Variants in SMG6 observed in about 807,000 individuals in gnomAD.
SMG6 encodes the protein SMG6 nonsense mediated mRNA decay factor, also known as telomerase-binding protein EST1A.
Under a neutral mutation model 142.2 loss-of-function variants are expected in SMG6, and 66 were observed. The observed-to-expected ratio is 0.46, with a 90% CI of 0.38 to 0.57. The LOEUF (loss-of-function observed/expected upper bound fraction) is 0.57. Ranked by LOEUF, SMG6 falls within the 20% of genes least tolerant of loss-of-function variation. The pLI, the probability that SMG6 is intolerant of heterozygous loss-of-function variation, is 0.00. For synonymous variants in SMG6, 779 were observed against 702.4 expected (o/e 1.11, Z -1.72); for missense variants, 1,793 against 1,832.0 (o/e 0.98, Z 0.39).
At chr17:2,220,296 A>G (rs2073136432) in intron 10 of SMG6, among the ~76,000 whole-genome samples, 1 of 152,198 alleles carries the variant, frequency 6.6e-6, no homozygotes, top group African/African-American at 2.4e-5. Flanking sequence ...ACCTGAGAAG[A>G]AAATGTTCAA....
intron 8 of SMG6, among the ~76,000 whole-genome samples, chr17:2,273,563 G>A (rs2074585274): frequency 1.3e-5 from 2 of 152,178 alleles, no homozygotes; most frequent in African/African-American, 4.8e-5. Flanking sequence ...AACCGGGGAG[G>A]CGGAAGTTGC....
chr17:2,110,481 G>A (rs189939004), intron 13 of SMG6, among the ~76,000 whole-genome samples: 78 of 152,102 alleles, frequency 5.1e-4, no homozygotes, highest in Non-Finnish European at 7.9e-4. Context: ...ACACGCACAC[G>A]CACACACACG....
intron 10 of SMG6, chr17:2,214,308 G>A (rs2072948686): frequency 6.6e-6 from 1 of 152,264 alleles, no homozygotes; most frequent in African/African-American, 2.4e-5. Context: ...AGAGCCTGGA[G>A]AGTCTGACCA....
At chr17:2,103,672 G>A (rs945315719) in intron 13 of SMG6, among the ~76,000 whole-genome samples, 2 of 152,120 alleles carry the variant, frequency 1.3e-5, no homozygotes, top group Non-Finnish European at 2.9e-5. Context: ...CTCGCCCCAC[G>A]CTCTTCTTGT....
At chr17:2,293,077 G>A (rs2075074250) in intron 4 of SMG6, 100 bp from the exon 5 acceptor site, 10 of 812,698 alleles carry the variant, frequency 1.2e-5, no homozygotes, top group Admixed American at 1.1e-4. Context: ...GCACTCGTAA[G>A]GCACTAGCGG....
intron 17 of SMG6, 122 bp downstream of exon 17, chr17:2,065,345 TG>T: frequency 5.8e-6 from 6 of 1,036,788 alleles, no homozygotes; most frequent in Non-Finnish European, 8.6e-6. Flanking sequence ...CTCCCCCACC[TG>T]GGCCTCCATG....
Position 2,130,266 on chromosome 17 carries a change from C to CAAAAAA in SMG6, c.3357+42386_3357+42391dup, listed in dbSNP as rs903007543. 1.2e-3 allele frequency among the ~76,000 whole-genome samples: 46 copies of CAAAAAA among 39,480 alleles called. 5 individuals are homozygous for CAAAAAA. The highest frequency in any genetic ancestry group is 5.5e-3 in the African/African-American group (35 of 6,384). 25.9% of individuals were successfully genotyped at this position (39,480 alleles called of 152,430 possible). On this transcript the variant is annotated intron_variant, in intron 13 of 18. Coordinates refer to ENST00000263073, the MANE Select transcript of SMG6 (RefSeq NM_017575.5). ...TGGGCGACAGAGCGAGACTCCGTCT[C>CAAAAAA]AAAAAAAAAAAAAAAAAAGAAACAG...
Position 2,292,909 on chromosome 17 carries a change from C to T in SMG6, c.2220G>A (p.Glu740=), listed in dbSNP as rs769013911. 6.2e-6 allele frequency: 10 copies of T among 1,614,026 alleles called. No individual in the cohort carries two copies. Among genetic ancestry groups the T allele is most frequent in the Non-Finnish European group, 8.5e-6 (10 of 1,180,012 alleles). ...ICQGDIARYR[E]QASDTANYGK... ...CATAATTCGCTGTATCACTGGCTTG[C>T]TCCCGGTACCTAGCAATATCTCCTT... The change falls in exon 5 of 19, where the codon GAG becomes GAA. Residue 740 remains glutamate (E), a synonymous_variant. Coordinates refer to ENST00000263073, the MANE Select transcript of SMG6 (RefSeq NM_017575.5).
At chr17:2,074,264 T>C (rs539969384) in intron 15 of SMG6, among the ~76,000 whole-genome samples, 8 of 151,982 alleles carry the variant, frequency 5.3e-5, no homozygotes, top group Non-Finnish European at 1.2e-4. Context: ...TGAAAAGACT[T>C]ATTGTATATA....
At chr17:2,134,419 CAAAAAAAAAAAAA>C (rs58429166) in intron 13 of SMG6, among the ~76,000 whole-genome samples, 460 of 28,738 alleles carry the variant, frequency 0.016, 9 homozygotes, top group South Asian at 0.033. Flanking sequence ...GACTCCATCT[CAAAAAAAAAAAAA>C]AAAAAAAAAA....
chr17:2,175,100 C>G (rs1440320512), intron 12 of SMG6, among the ~76,000 whole-genome samples: 1 of 152,216 alleles, frequency 6.6e-6, no homozygotes, highest in Admixed American at 6.5e-5. Context: ...TCCAGTTCCC[C>G]GCTTCCTCCC....
chr17:2,241,852 A>T (rs1796423907), intron 9 of SMG6, among the ~76,000 whole-genome samples: 1 of 152,246 alleles, frequency 6.6e-6, no homozygotes, highest in Non-Finnish European at 1.5e-5. Context: ...CTGCACCAAG[A>T]TTTATAACTT....
intron 8 of SMG6, among the ~76,000 whole-genome samples, chr17:2,246,490 C>A (rs1407576166): frequency 6.6e-6 from 1 of 152,216 alleles, no homozygotes; most frequent in South Asian, 2.1e-4. Flanking sequence ...TCTCACTTAA[C>A]CAATGATCAA....
At chr17:2,291,869 AAAGAG>A (rs1370061760) in intron 6 of SMG6, among the ~76,000 whole-genome samples, 1 of 151,386 alleles carries the variant, frequency 6.6e-6, no homozygotes, top group Non-Finnish European at 1.5e-5. Context: ...AAAAAAAAAA[AAAGAG>A]AGAGACAATT....
chr17:2,152,152 G>T (rs1398885680), intron 13 of SMG6, among the ~76,000 whole-genome samples: 2 of 152,214 alleles, frequency 1.3e-5, no homozygotes, highest in African/African-American at 4.8e-5. Flanking sequence ...CCCAGTTGAA[G>T]GTAAGAGCCC....
At chr17:2,159,986 T>C (rs1257690046) in intron 13 of SMG6, among the ~76,000 whole-genome samples, 2 of 152,272 alleles carry the variant, frequency 1.3e-5, no homozygotes, top group Non-Finnish European at 2.9e-5. Context: ...AATAATTAGA[T>C]CAGTAGCTGC....
At chr17:2,243,972 G>T (rs1347773939) in intron 9 of SMG6, among the ~76,000 whole-genome samples, 2 of 152,158 alleles carry the variant, frequency 1.3e-5, no homozygotes, top group Admixed American at 6.5e-5. Context: ...TAGGCATTAC[G>T]TTGGGCTTAG....
intron 16 of SMG6, among the ~76,000 whole-genome samples, chr17:2,066,257 C>T (rs548719259): frequency 1.6e-4 from 25 of 151,892 alleles, no homozygotes; most frequent in Admixed American, 7.2e-4. Context: ...TGTGTGTGTG[C>T]GCGCACGTGT....
At chr17:2,139,433 T>C (rs974079153) in intron 13 of SMG6, among the ~76,000 whole-genome samples, 8 of 151,014 alleles carry the variant, frequency 5.3e-5, no homozygotes, top group African/African-American at 2.0e-4. Flanking sequence ...TTCTTTTTTT[T>C]TTTTTTGAGA....
Sources: allele counts gnomAD v4.1 joint callset (sites outside exome capture counted in the v4.1 genomes callset), GRCh38; gene constraint gnomAD v4.1.1; transcripts MANE v1.5; gene names NCBI Gene and HGNC (gene_info 2026-07-23, HGNC 2026-07-21).